Variants in ZSCAN5A observed in about 807,000 individuals in gnomAD.
The protein encoded by ZSCAN5A is zinc finger and SCAN domain-containing protein 5A.
In ZSCAN5A, 12 loss-of-function variants were observed where a neutral mutation model predicts 23.7. That is an observed-to-expected ratio of 0.51 (90% CI 0.32 to 0.82). The LOEUF is 0.82. ZSCAN5A is among the 40% of genes least tolerant of loss of function. The pLI, the probability that ZSCAN5A is intolerant of heterozygous loss-of-function variation, is 0.03. For synonymous variants in ZSCAN5A, 257 were observed against 239.9 expected, an observed-to-expected ratio of 1.07 and a Z score of -0.66; for missense variants, 597 against 617.9, an observed-to-expected ratio of 0.97 and a Z score of 0.36.
chr19:56,333,812 G>A (rs1262221311), intron 2 of ZSCAN5A, among the ~76,000 whole-genome samples: 1 of 151,794 alleles, frequency 6.6e-6, no homozygotes, highest in African/African-American at 2.4e-5. Flanking sequence ...CAAACATACT[G>A]TATGCTCACA....
intron 2 of ZSCAN5A, among the ~76,000 whole-genome samples, chr19:56,350,694 G>A (rs763638992): frequency 3.9e-5 from 6 of 152,132 alleles, no homozygotes; most frequent in Non-Finnish European, 7.3e-5. Flanking sequence ...ACTAAAAGGT[G>A]TCAAACTCTA....
intron 2 of ZSCAN5A, chr19:56,246,633 G>C (rs868841289): frequency 1.2e-4 from 86 of 719,152 alleles, no homozygotes; most frequent in African/African-American, 1.1e-3. Flanking sequence ...TTAAGGTTGA[G>C]GGGAAGTTGT....
chr19:56,301,850 T>C, intron 2 of ZSCAN5A: 1 of 1,190,736 alleles, frequency 8.4e-7, no homozygotes, highest in Non-Finnish European at 1.1e-6. Flanking sequence ...AAATTTCAAT[T>C]CAGGAGGCAG....
At chr19:56,321,535 CTGGG>C (rs1419244640) in intron 2 of ZSCAN5A, 1 of 738,246 alleles carries the variant, frequency 1.4e-6, no homozygotes, top group Non-Finnish European at 2.5e-6. Context: ...CGCTGTCTGT[CTGGG>C]TGTCTGTCTT....
chr19:56,244,358 G>C, intron 2 of ZSCAN5A: 1 of 1,587,664 alleles, frequency 6.3e-7, no homozygotes, highest in Non-Finnish European at 8.6e-7. Context: ...CTTAGTCAAG[G>C]TGAACGGTGT....
chr19:56,362,349 C>A lies in ZSCAN5A; in HGVS notation c.-358+886G>T, dbSNP rs201645974. Among the ~76,000 whole-genome samples the A allele has an allele frequency of 1.6e-4, 24 of 151,016 alleles. 1 individual carries two copies. The East Asian group carries it at 1.8e-3, about 11-fold the overall frequency. ...TGGGAGGCCAAGGTGGGCAGATCAC[C>A]TGAGGTCAGGGGTTTGAGACCATCT... On this transcript the variant is annotated intron_variant, in intron 2 of 6. Transcript: ENST00000587340.
chr19:56,293,576 G>A lies in ZSCAN5A; in HGVS notation c.-128+19707C>T, dbSNP rs191894987. ...ACCACTTTCTAGTTCCGTGGGCTTC[G>A]GACCCTCGCCTCCTGAAGGGCTCAG... On this transcript the variant is annotated intron_variant, in intron 2 of 5. Transcript: ENST00000683990. Among the ~76,000 whole-genome samples the A allele has an allele frequency of 4.5e-4, 68 of 152,310 alleles. 1 individual carries two copies. The highest frequency in any genetic ancestry group is 8.5e-4 in the Non-Finnish European group (58 of 68,028).
In ZSCAN5A at chr19:56,244,220, C is replaced by G. The variant is rs766697083; in HGVS notation, c.-127-19047G>C. On this transcript the variant is annotated intron_variant, in intron 2 of 5. Transcript: ENST00000683990. ...CTGCCCAGAGGAGTCGGACCCCATC[C>G]AGGCTCTGAGGAAACTCACTGAGCT... The G allele has an allele frequency of 7.5e-6, 12 of 1,607,030 alleles. No homozygotes were observed. In the African/African-American group the frequency reaches 1.5e-4, roughly 20 times the overall value.
At chr19:56,266,146 G>A (rs1242272106) in intron 2 of ZSCAN5A, 1 of 152,152 alleles carries the variant, frequency 6.6e-6, no homozygotes, top group Non-Finnish European at 1.5e-5. Context: ...TTAAAATTAT[G>A]AGCTAATAGA....
At chr19:56,346,000 C>G (rs1164973050) in intron 2 of ZSCAN5A, among the ~76,000 whole-genome samples, 1 of 152,062 alleles carries the variant, frequency 6.6e-6, no homozygotes, top group Non-Finnish European at 1.5e-5. Flanking sequence ...GGGAGTTGCA[C>G]CTTCTCCATT....
chr19:56,276,511 T>TTTTTC (rs1429116467), intron 2 of ZSCAN5A, among the ~76,000 whole-genome samples: 1 of 149,054 alleles, frequency 6.7e-6, no homozygotes, highest in Non-Finnish European at 1.5e-5. Flanking sequence ...GAGCTCTTTT[T>TTTTTC]TTTTTTTTCC....
intron 2 of ZSCAN5A, among the ~76,000 whole-genome samples, chr19:56,361,134 G>C (rs1306879770): frequency 6.6e-6 from 1 of 152,142 alleles, no homozygotes; most frequent in East Asian, 1.9e-4. Context: ...CTGGAGAAAT[G>C]CCAATGAAAA....
intron 2 of ZSCAN5A, among the ~76,000 whole-genome samples, chr19:56,269,769 G>A (rs2037718386): frequency 6.6e-6 from 1 of 152,230 alleles, no homozygotes; most frequent in Non-Finnish European, 1.5e-5. Context: ...AGTCAGGAAT[G>A]TGGGCAGCCT....
intron 2 of ZSCAN5A, among the ~76,000 whole-genome samples, chr19:56,264,759 C>T (rs1428530820): frequency 6.6e-5 from 10 of 152,198 alleles, no homozygotes; most frequent in Admixed American, 6.5e-4. Flanking sequence ...AAAATAGTTA[C>T]TATCTTGCTC....
At chr19:56,254,162 C>G (rs77281769) in intron 2 of ZSCAN5A, among the ~76,000 whole-genome samples, 2,556 of 150,414 alleles carry the variant, frequency 0.017, 71 homozygotes, top group African/African-American at 0.059. Context: ...TTCTTGTACT[C>G]TACTAGAATG....
intron 2 of ZSCAN5A, among the ~76,000 whole-genome samples, chr19:56,333,827 C>T (rs2147439923): frequency 6.6e-6 from 1 of 151,510 alleles, no homozygotes; most frequent in Admixed American, 6.6e-5. Context: ...CTCACACCTT[C>T]TAGGGAGACA....
At chr19:56,269,181 T>G (rs1255046825) in intron 2 of ZSCAN5A, among the ~76,000 whole-genome samples, 1 of 152,164 alleles carries the variant, frequency 6.6e-6, no homozygotes, top group East Asian at 1.9e-4. Context: ...GCCCTATATT[T>G]AACTTTTTGA....
chr19:56,316,641 T>A (rs117068178), upstream of ZSCAN5A: 804 of 152,858 alleles, frequency 5.3e-3, 3 homozygotes, highest in Non-Finnish European at 9.9e-3. Flanking sequence ...CCAGCCAGAA[T>A]CTTTTTATTA....
intron 2 of ZSCAN5A, among the ~76,000 whole-genome samples, chr19:56,245,617 T>C (rs2035820653): frequency 6.6e-6 from 1 of 152,174 alleles, no homozygotes; most frequent in Non-Finnish European, 1.5e-5. Context: ...CTCTCCACCA[T>C]GAGAGCTTTT....
Sources: allele counts gnomAD v4.1 joint callset (sites outside exome capture counted in the v4.1 genomes callset), GRCh38; gene constraint gnomAD v4.1.1; transcripts MANE v1.5; gene names NCBI Gene and HGNC (gene_info 2026-07-23, HGNC 2026-07-21).